The following PCMTD1 variants were observed in gnomAD, a reference collection of about 807,000 sequenced individuals.
The protein encoded by PCMTD1 is protein-L-isoaspartate (D-aspartate) O-methyltransferase domain containing 1, also known as protein-L-isoaspartate O-methyltransferase domain-containing protein 1.
Under a neutral mutation model 37.6 loss-of-function variants are expected in PCMTD1, and 12 were observed. The observed-to-expected ratio is 0.32, with a 90% CI of 0.20 to 0.52. The LOEUF (loss-of-function observed/expected upper bound fraction) is 0.52. Among genes scored for constraint, PCMTD1 ranks in the 20% least tolerant of loss-of-function variants. The pLI is 0.97. For missense variants in PCMTD1, 235 were observed against 421.3 expected (o/e 0.56, Z 3.87); for synonymous variants, 117 against 135.8 (o/e 0.86, Z 0.96).
chr8:51,833,894 T>C (rs966612268), intron 3 of PCMTD1, among the ~76,000 whole-genome samples: 2 of 152,204 alleles, frequency 1.3e-5, no homozygotes, highest in South Asian at 4.1e-4. Context: ...AGGACGGACA[T>C]GTGTTTTCAA....
At chr8:51,833,868 A>T (rs767996830) in intron 3 of PCMTD1, among the ~76,000 whole-genome samples, 179 bp from the exon 4 acceptor site, 3 of 152,214 alleles carry the variant, frequency 2.0e-5, no homozygotes, top group Non-Finnish European at 4.4e-5. Context: ...ATGTATTGTT[A>T]TATTATCAAT....
chr8:51,825,508 C>T (rs2037909296), intron 5 of PCMTD1, among the ~76,000 whole-genome samples: 1 of 53,782 alleles, frequency 1.9e-5, no homozygotes, highest in African/African-American at 3.0e-5. Context: ...TCCTGGCTAA[C>T]AAGGTGAAAC....
At position 51,818,043 on chromosome 8, in the gene PCMTD1, T is replaced by C. The variant is rs2129270605; in HGVS notation, c.*2308A>G. On this transcript the variant is annotated 3_prime_UTR_variant, in exon 6 of 6. Coordinates refer to ENST00000522514, the MANE Select transcript of PCMTD1 (RefSeq NM_052937.4). ...TTACTTAATCTTTATTTGCTACTTTTCCACCTATAAAGCGTAATTTTCCAT... is the reference window on the plus strand; with the variant it reads ...TTACTTAATCTTTATTTGCTACTTTCCCACCTATAAAGCGTAATTTTCCAT... The C allele has an allele frequency of 2.3e-6, 1 of 435,194 alleles. No homozygotes were observed. Among genetic ancestry groups the C allele is most frequent in the South Asian group, 1.7e-5 (1 of 60,258 alleles). 27.0% of individuals were successfully genotyped at this position (435,194 alleles called of 1,614,324 possible). A position where few individuals can be genotyped will look rare whatever the true frequency, so the allele number is the denominator to read the frequency against.
At chr8:51,829,378 G>T (rs1326018816) in intron 5 of PCMTD1, among the ~76,000 whole-genome samples, 1 of 152,174 alleles carries the variant, frequency 6.6e-6, no homozygotes, top group African/African-American at 2.4e-5. Flanking sequence ...GAACGGCTAG[G>T]CTTGTATGTT....
intron 1 of PCMTD1, among the ~76,000 whole-genome samples, chr8:51,895,200 AAAAC>A (rs1041742942): frequency 1.4e-4 from 21 of 152,218 alleles, no homozygotes; most frequent in Admixed American, 8.5e-4. Context: ...GTGAGAGAGA[AAAAC>A]AAACAAAGGC....
rs4401853 is a variant in PCMTD1, at chr8:51,817,961, C to T, written c.*2390G>A. 0.99 allele frequency: 452,412 copies of T among 456,708 alleles called. 224,060 individuals are homozygous for T. Among genetic ancestry groups the T allele is most frequent in the East Asian group, 1 (14,400 of 14,400 alleles). The allele number at this position is 456,708 out of a possible 1,614,324, so 28.3% of individuals were successfully genotyped here. ...AAACACCCAAATTAGATGATACTTA[C>T]TGTTTTAACTAGCTATAAAATTCCA... On this transcript the variant is annotated 3_prime_UTR_variant, in exon 6 of 6. Coordinates refer to ENST00000522514, the MANE Select transcript of PCMTD1 (RefSeq NM_052937.4).
chr8:51,865,390 C>T (rs928694207), intron 1 of PCMTD1, among the ~76,000 whole-genome samples: 5 of 152,070 alleles, frequency 3.3e-5, no homozygotes, highest in African/African-American at 1.2e-4. Context: ...AAAGAACAGG[C>T]TAATATCCCT....
chr8:51,850,218 G>A lies in PCMTD1; in HGVS notation c.308-4455C>T, dbSNP rs188692239. On this transcript the variant is annotated intron_variant, in intron 2 of 5. Transcript: ENST00000522514. ...TCCCACTGTATAATAGTAGTCCCTG[G>A]GAAAAAGCATTAAATTATGTAAAAC... 285 of 589,820 alleles carry A rather than the reference G, an allele frequency of 4.8e-4. 2 individuals carry two copies. In the East Asian group the frequency reaches 7.5e-3, roughly 15 times the overall value. The allele number at this position is 589,820 out of a possible 1,614,324, so 36.5% of individuals were successfully genotyped here.
In PCMTD1 at chr8:51,843,598, C is replaced by CAA. The variant is rs55719945; in HGVS notation, c.410+2061_410+2062dup. Among the ~76,000 whole-genome samples, 218 of 146,476 alleles carry CAA rather than the reference C, an allele frequency of 1.5e-3. 2 individuals carry two copies. Among genetic ancestry groups the CAA allele is most frequent in the East Asian group, 9.9e-4 (5 of 5,054 alleles). On this transcript the variant is annotated intron_variant, in intron 3 of 5. Coordinates refer to ENST00000522514, the MANE Select transcript of PCMTD1 (RefSeq NM_052937.4). ...GGGAAATTTGAGTATTTTACAATAACAAAAAAAAAAACAATTTGAGAATTT... is the reference window on the plus strand; with the variant it reads ...GGGAAATTTGAGTATTTTACAATAACAAAAAAAAAAAAACAATTTGAGAATTT...
Position 51,818,097 on chromosome 8 carries a change from TAA to T in PCMTD1, c.*2252_*2253del, listed in dbSNP as rs2037785533. On this transcript the variant is annotated 3_prime_UTR_variant, in exon 6 of 6. Coordinates refer to ENST00000522514, the MANE Select transcript of PCMTD1 (RefSeq NM_052937.4). ...AAGTAAACATAAATTCATTAAAAAA[TAA>T]ACACAAACCCAAAATATTCTTATTC... is the stretch of plus-strand genomic sequence containing the variant. 1 of 362,736 alleles carries T rather than the reference TAA, an allele frequency of 2.8e-6. No individual in the cohort carries two copies. The highest frequency in any genetic ancestry group is 5.4e-6 in the Non-Finnish European group (1 of 186,140). 22.5% of individuals were successfully genotyped at this position (362,736 alleles called of 1,614,324 possible).
chr8:51,824,678 G>C (rs10094353), intron 5 of PCMTD1, among the ~76,000 whole-genome samples: 104,615 of 152,170 alleles, frequency 0.69, 42,409 homozygotes, highest in Non-Finnish European at 0.9. Flanking sequence ...ACTTTCTTCA[G>C]AGAACTGGAA....
At chr8:51,828,463 C>A (rs1046635095) in intron 5 of PCMTD1, among the ~76,000 whole-genome samples, 3 of 152,078 alleles carry the variant, frequency 2.0e-5, no homozygotes, top group African/African-American at 7.2e-5. Flanking sequence ...TATAATGGTT[C>A]AATGTAGGAT....
chr8:51,864,165 A>G (rs1344303693), intron 1 of PCMTD1, among the ~76,000 whole-genome samples: 1 of 152,200 alleles, frequency 6.6e-6, no homozygotes, highest in Non-Finnish European at 1.5e-5. Context: ...AAAGAGACAA[A>G]GAAGCAAAGA....
intron 3 of PCMTD1, among the ~76,000 whole-genome samples, chr8:51,844,654 G>C (rs527652002): frequency 3.3e-5 from 5 of 152,140 alleles, no homozygotes; most frequent in African/African-American, 1.2e-4. Flanking sequence ...GGGAGGAAGG[G>C]CAAAGGCAGG....
intron 3 of PCMTD1, among the ~76,000 whole-genome samples, chr8:51,838,041 C>A (rs902966538): frequency 4.6e-5 from 7 of 152,144 alleles, no homozygotes; most frequent in Non-Finnish European, 7.3e-5. Context: ...CCTGCCTGGG[C>A]CTCCCAAAAT....
chr8:51,863,864 T>A (rs983834638), intron 1 of PCMTD1, among the ~76,000 whole-genome samples: 1 of 151,524 alleles, frequency 6.6e-6, no homozygotes, highest in Non-Finnish European at 1.5e-5. Context: ...GAGGCAGAGA[T>A]TGCAGTGAGC....
intron 5 of PCMTD1, among the ~76,000 whole-genome samples, chr8:51,821,894 C>T (rs2037854113): frequency 6.6e-6 from 1 of 152,054 alleles, no homozygotes; most frequent in South Asian, 2.1e-4. Context: ...TGCCACCACA[C>T]CAGTGTAATT....
chr8:51,831,126 C>T (rs544123064), intron 5 of PCMTD1, among the ~76,000 whole-genome samples: 73 of 152,004 alleles, frequency 4.8e-4, no homozygotes, highest in Admixed American at 2.4e-3. Context: ...GGTGAAACAG[C>T]GTCTCTTCTA....
intron 2 of PCMTD1, among the ~76,000 whole-genome samples, chr8:51,853,279 C>T (rs2038335462): frequency 6.6e-6 from 1 of 152,144 alleles, no homozygotes; most frequent in South Asian, 2.1e-4. Context: ...CCAGACGAGA[C>T]CAAGAACTCC....
Sources: allele counts gnomAD v4.1 joint callset (sites outside exome capture counted in the v4.1 genomes callset), GRCh38; gene constraint gnomAD v4.1.1; transcripts MANE v1.5; gene names NCBI Gene and HGNC (gene_info 2026-07-23, HGNC 2026-07-21).